Variants in COL22A1 observed in about 807,000 individuals in gnomAD.
The protein encoded by COL22A1 is collagen alpha-1(XXII) chain.
COL22A1 carries 221 observed loss-of-function variants against 248.9 expected under a neutral mutation model. The observed-to-expected ratio is 0.89, with a 90% CI of 0.80 to 0.99. The LOEUF (loss-of-function observed/expected upper bound fraction) is 0.99, where lower values mean the gene tolerates loss of function less well. Among genes scored for constraint, COL22A1 ranks in the 50% least tolerant of loss-of-function variants. The pLI is 0.00. For synonymous variants in COL22A1, 891 were observed against 793.4 expected, an observed-to-expected ratio of 1.12 and a Z score of -2.07; for missense variants, 2,240 against 2,179.0, an observed-to-expected ratio of 1.03 and a Z score of -0.56.
intron 52 of COL22A1, among the ~76,000 whole-genome samples, chr8:138,621,160 G>A (rs1819772209): frequency 6.6e-6 from 1 of 152,214 alleles, no homozygotes; most frequent in Non-Finnish European, 1.5e-5. Context: ...ACATCCCCTG[G>A]GGCCCACCCA....
chr8:138,858,831 C>T (rs1045624455), intron 3 of COL22A1, among the ~76,000 whole-genome samples: 4 of 152,174 alleles, frequency 2.6e-5, no homozygotes, highest in Non-Finnish European at 4.4e-5. Flanking sequence ...AGTGGCACAT[C>T]GCAAGTGTAT....
At chr8:138,691,688 A>AAG (rs1564199531) in intron 35 of COL22A1, among the ~76,000 whole-genome samples, 2 of 3,234 alleles carry the variant, frequency 6.2e-4, no homozygotes, top group African/African-American at 1.1e-3. Context: ...TGTACAGTGC[A>AAG]TGTGTGCATA....
At chr8:138,696,830 T>G (rs1250134686) in intron 32 of COL22A1, among the ~76,000 whole-genome samples, 4 of 152,354 alleles carry the variant, frequency 2.6e-5, no homozygotes, top group Admixed American at 2.0e-4. Context: ...GAGACATGTC[T>G]AGCCCCATTC....
At chr8:138,614,377 C>A (rs13263938) in intron 55 of COL22A1, among the ~76,000 whole-genome samples, 94,637 of 152,144 alleles carry the variant, frequency 0.62, 32,269 homozygotes, top group Middle Eastern at 0.81. Flanking sequence ...CTTGCAGAGT[C>A]TTCCAAGCGG....
intron 3 of COL22A1, among the ~76,000 whole-genome samples, chr8:138,867,799 A>G (rs138761553): frequency 3.3e-4 from 50 of 152,200 alleles, no homozygotes; most frequent in African/African-American, 1.2e-3. Flanking sequence ...ACGAAGTCCT[A>G]CTCTGTCGCC....
At chr8:138,778,230 A>C in intron 15 of COL22A1, 123 bp downstream of exon 15, 1 of 996,816 alleles carries the variant, frequency 1.0e-6, no homozygotes. Flanking sequence ...CCAACACTTC[A>C]TTGGCATCAG....
chr8:138,630,804 G>A (rs1300801351), intron 49 of COL22A1, 56 bp from the exon 50 acceptor site: 1 of 1,441,766 alleles, frequency 6.9e-7, no homozygotes, highest in Non-Finnish European at 9.7e-7. Context: ...GAGGTCATTA[G>A]CACCCTCTGC....
In COL22A1 at chr8:138,810,817, C is replaced by G. The variant is rs1295948317; in HGVS notation, c.1449+982G>C. Among the ~76,000 whole-genome samples the G allele has an allele frequency of 2.0e-5, 3 of 152,328 alleles. No homozygotes were observed. In the South Asian group the frequency reaches 6.2e-4, roughly 32 times the overall value. On this transcript the variant is annotated intron_variant, in intron 9 of 64. Coordinates refer to ENST00000303045, the MANE Select transcript of COL22A1 (RefSeq NM_152888.3). ...TGAAAAGAAGACTGCTGCTACAATA[C>G]CCAGAGCAGGCCCACTCCAGTTAAC...
Position 138,720,767 on chromosome 8 carries a change from T to C in COL22A1, c.2327A>G (p.Asp776Gly), listed in dbSNP as rs960687551. The change falls in exon 27 of 65, where the codon GAT (aspartate) becomes GGT (glycine). Residue 776 changes from aspartate (D) to glycine (G), a missense_variant. By Grantham distance (94) the Asp-to-Gly change is moderately conservative. Transcript: ENST00000303045. ...TKGEPGERGE[D>G]GLPGKPGLRG... The stretch of plus-strand genomic sequence containing the variant: ...AAGGCCTGGTTTTCCAGGCAGACCA[T>C]CTTCCCCTCTTTCTCCTGGTTCTCC... The C allele has an allele frequency of 1.2e-6, 2 of 1,613,964 alleles. No individual in the cohort carries two copies. Among genetic ancestry groups the C allele is most frequent in the Non-Finnish European group, 1.7e-6 (2 of 1,179,850 alleles).
At chr8:138,693,303 C>T (rs2130924872) in intron 35 of COL22A1, among the ~76,000 whole-genome samples, 1 of 152,194 alleles carries the variant, frequency 6.6e-6, no homozygotes, top group South Asian at 2.1e-4. Flanking sequence ...TGTGTGTTCT[C>T]TGGTTTGTAG....
chr8:138,592,784 A>G (rs1222216279), intron 63 of COL22A1, among the ~76,000 whole-genome samples: 1 of 152,138 alleles, frequency 6.6e-6, no homozygotes, highest in African/African-American at 2.4e-5. Context: ...TTTTATCTTT[A>G]TTTGAAATTG....
At chr8:138,855,110 T>C (rs1023286855) in intron 3 of COL22A1, among the ~76,000 whole-genome samples, 1 of 152,196 alleles carries the variant, frequency 6.6e-6, no homozygotes, top group African/African-American at 2.4e-5. Context: ...ATGAACTACC[T>C]CTCAGAATTT....
chr8:138,865,138 A>T (rs1288973375), intron 3 of COL22A1, among the ~76,000 whole-genome samples: 2 of 152,240 alleles, frequency 1.3e-5, no homozygotes, highest in African/African-American at 4.8e-5. Context: ...GATATTTCCC[A>T]AGAGTAGACA....
chr8:138,639,390 T>C (rs1179572032), intron 47 of COL22A1, among the ~76,000 whole-genome samples: 4 of 152,220 alleles, frequency 2.6e-5, no homozygotes, highest in African/African-American at 9.6e-5. Flanking sequence ...TCAAGTGCAC[T>C]GGATTTATAG....
At chr8:138,689,537 G>A (rs1201025569) in intron 36 of COL22A1, among the ~76,000 whole-genome samples, 3 of 152,090 alleles carry the variant, frequency 2.0e-5, no homozygotes, top group African/African-American at 7.2e-5. Flanking sequence ...CCAACATGGT[G>A]AAACCCCATC....
At chr8:138,864,809 C>G (rs1822738471) in intron 3 of COL22A1, among the ~76,000 whole-genome samples, 1 of 152,168 alleles carries the variant, frequency 6.6e-6, no homozygotes, top group East Asian at 1.9e-4. Context: ...GGGTTTCACT[C>G]TCAGCCCAAC....
Position 138,660,426 on chromosome 8 carries a change from G to C in COL22A1, c.3285+10C>G, listed in dbSNP as rs1287764464. ...AGTCAATATTCATCCAGAACCATAAGATGACATACCGGCTTGCCAGGAGGC... is the reference window on the plus strand; with the variant it reads ...AGTCAATATTCATCCAGAACCATAACATGACATACCGGCTTGCCAGGAGGC... On this transcript the variant is annotated intron_variant, in intron 44 of 64. Coordinates refer to ENST00000303045, the MANE Select transcript of COL22A1 (RefSeq NM_152888.3). The C allele has an allele frequency of 6.2e-7, 1 of 1,611,262 alleles. No individual in the cohort carries two copies. The highest frequency in any genetic ancestry group is 2.2e-5 in the East Asian group (1 of 44,860).
At chr8:138,735,635 C>A (rs930669615) in intron 23 of COL22A1, among the ~76,000 whole-genome samples, 18 of 152,078 alleles carry the variant, frequency 1.2e-4, no homozygotes, top group Non-Finnish European at 2.5e-4. Flanking sequence ...TAAGGCAAAA[C>A]CCACTCTATT....
intron 30 of COL22A1, among the ~76,000 whole-genome samples, chr8:138,713,120 A>T (rs1393166495): frequency 1.3e-5 from 2 of 152,156 alleles, no homozygotes; most frequent in Non-Finnish European, 2.9e-5. Flanking sequence ...CTGGGCAGAA[A>T]ACATAGTGGA....
Sources: gnomAD v4.1 joint callset for allele counts (sites outside exome capture counted in the v4.1 genomes callset) on GRCh38, gnomAD v4.1.1 for gene constraint, MANE v1.5 for transcripts, NCBI Gene and HGNC (gene_info 2026-07-23, HGNC 2026-07-21) for gene names.